The following VAV2 variants were observed in gnomAD, a reference collection of about 807,000 sequenced individuals.
VAV2 encodes guanine nucleotide exchange factor VAV2.
Under a neutral mutation model 132.5 loss-of-function variants are expected in VAV2, and 67 were observed. The observed-to-expected ratio is 0.51, with a 90% confidence interval of 0.42 to 0.62. VAV2 has a LOEUF of 0.62. Among genes scored for constraint, VAV2 ranks in the 20% least tolerant of loss-of-function variants. The pLI is 0.00. For missense variants in VAV2, 938 were observed against 1,153.6 expected (o/e 0.81, Z 2.71); for synonymous variants, 492 against 443.5 (o/e 1.11, Z -1.37).
intron 4 of VAV2, among the ~76,000 whole-genome samples, chr9:133,830,422 C>A (rs571679580): frequency 6.6e-6 from 1 of 152,136 alleles, no homozygotes; most frequent in Non-Finnish European, 1.5e-5. Flanking sequence ...CGGTGACCCT[C>A]GTATCGCTCA....
intron 25 of VAV2, among the ~76,000 whole-genome samples, chr9:133,773,973 T>C (rs1833724827): frequency 6.6e-6 from 1 of 152,144 alleles, no homozygotes; most frequent in Non-Finnish European, 1.5e-5. Context: ...ATGGGAACAT[T>C]TCAGCTCCAT....
intron 1 of VAV2, among the ~76,000 whole-genome samples, chr9:133,976,445 C>A (rs1274479523): frequency 6.6e-6 from 1 of 152,138 alleles, no homozygotes; most frequent in Non-Finnish European, 1.5e-5. Context: ...GACAGTGAGA[C>A]CCTAGATTGG....
rs1446237011 is a variant in VAV2, at chr9:133,883,581, C to T, written c.322-22149G>A. 6.6e-6 allele frequency among the ~76,000 whole-genome samples: 1 copy of T among 152,188 alleles called. No individual in the cohort carries two copies. The highest frequency in any genetic ancestry group is 1.5e-5 in the Non-Finnish European group (1 of 68,034). On this transcript the variant is annotated intron_variant, in intron 2 of 29. Coordinates refer to ENST00000371850, the MANE Select transcript of VAV2 (RefSeq NM_001134398.2). This position sits in a 1 kb window ranked among gnomAD's most constrained non-coding sequence, Gnocchi z 4.2. ...AGCCCAGCAGAGACTCCCAAGTCAT[C>T]CCCAGCCACGGCAGGCAGGCGGCCC... is the stretch of plus-strand genomic sequence containing the variant.
intron 1 of VAV2, among the ~76,000 whole-genome samples, chr9:133,957,317 G>T (rs1276499516): frequency 6.6e-6 from 1 of 152,100 alleles, no homozygotes; most frequent in Non-Finnish European, 1.5e-5. Context: ...CTGGATGAGG[G>T]CAGGGAAGTA....
At chr9:133,858,395 A>G (rs1275162038) in intron 3 of VAV2, among the ~76,000 whole-genome samples, 1 of 152,120 alleles carries the variant, frequency 6.6e-6, no homozygotes, top group Admixed American at 6.5e-5. Flanking sequence ...ACTGTCACAC[A>G]CCATTGCTGG....
chr9:133,868,277 A>G (rs73662313), intron 2 of VAV2, among the ~76,000 whole-genome samples: 3,491 of 152,318 alleles, frequency 0.023, 132 homozygotes, highest in African/African-American at 0.079. Context: ...CACAGCAGGC[A>G]CCGCATCCCC....
chr9:133,795,827 C>A (rs12553791), intron 11 of VAV2, 91 bp from the exon 12 acceptor site: 4 of 1,442,616 alleles, frequency 2.8e-6, no homozygotes, highest in Non-Finnish European at 3.8e-6. Flanking sequence ...GTGCACAGAA[C>A]CAAGTCCTCA....
chr9:133,907,697 G>A lies in VAV2; in HGVS notation c.321+31406C>T, dbSNP rs147977414. Among the ~76,000 whole-genome samples, 1,210 of 152,348 alleles carry A rather than the reference G, an allele frequency of 7.9e-3. 20 individuals carry two copies. The highest frequency in any genetic ancestry group is 0.027 in the African/African-American group (1,126 of 41,582). On this transcript the variant is annotated intron_variant, in intron 2 of 29. Coordinates refer to ENST00000371850, the MANE Select transcript of VAV2 (RefSeq NM_001134398.2). ...CCTCGTAAATCAATTCCCACTCTCC[G>A]CTCGGCTCGGGCCATGCCAGCCTTT...
chr9:133,829,304 G>A (rs1314391570), intron 4 of VAV2, among the ~76,000 whole-genome samples: 2 of 152,224 alleles, frequency 1.3e-5, no homozygotes, highest in South Asian at 2.1e-4. Flanking sequence ...ATTTGATTAT[G>A]CATTATTCAA....
At chr9:133,810,377 A>T (rs1481318015) in intron 5 of VAV2, among the ~76,000 whole-genome samples, 172 bp from the exon 6 acceptor site, 1 of 152,182 alleles carries the variant, frequency 6.6e-6, no homozygotes, top group African/African-American at 2.4e-5. Flanking sequence ...CTCATGGGCC[A>T]GAGCTCCCAT....
chr9:133,943,744 G>A lies in VAV2; in HGVS notation c.205-4525C>T, dbSNP rs76740589. 4.7e-3 allele frequency among the ~76,000 whole-genome samples: 709 copies of A among 152,288 alleles called. 2 individuals carry two copies. The highest frequency in any genetic ancestry group is 0.016 in the African/African-American group (677 of 41,572). Reference sequence around the variant, plus strand: ...GCCCCAGACTGCAGGGAGGGCTCCCGCCCCTGGGCCCCAAGAATCCCTTGT... The same window carrying A: ...GCCCCAGACTGCAGGGAGGGCTCCCACCCCTGGGCCCCAAGAATCCCTTGT... On this transcript the variant is annotated intron_variant, in intron 1 of 29. Coordinates refer to ENST00000371850, the MANE Select transcript of VAV2 (RefSeq NM_001134398.2).
chr9:133,830,561 T>A (rs977779775), intron 4 of VAV2, among the ~76,000 whole-genome samples: 3 of 152,238 alleles, frequency 2.0e-5, no homozygotes, highest in Non-Finnish European at 2.9e-5. Context: ...CCTTCCACCA[T>A]GACTATAAGT....
intron 23 of VAV2, 111 bp from the exon 24 acceptor site, chr9:133,776,191 G>T (rs2077065): frequency 7.5e-6 from 11 of 1,464,694 alleles, no homozygotes; most frequent in East Asian, 7.5e-5. Flanking sequence ...CTGCCCTGGA[G>T]GGGACTGTCT....
Position 133,763,820 on chromosome 9 carries a change from T to C in VAV2, c.*242A>G, listed in dbSNP as rs1833344751. The C allele has an allele frequency of 1.9e-6, 1 of 533,540 alleles. No individual in the cohort carries two copies. Among genetic ancestry groups the C allele is most frequent in the South Asian group, 2.1e-5 (1 of 47,118 alleles). 33.1% of individuals were successfully genotyped at this position (533,540 alleles called of 1,614,324 possible). Reference sequence around the variant, plus strand: ...TGTCGGTGCCCCCTCCTCTGCGCTCTGGGTGGGGCTAGCCCAGGTTTCCTC... The same window carrying C: ...TGTCGGTGCCCCCTCCTCTGCGCTCCGGGTGGGGCTAGCCCAGGTTTCCTC... On this transcript the variant is annotated 3_prime_UTR_variant, in exon 30 of 30. Coordinates refer to ENST00000371850, the MANE Select transcript of VAV2 (RefSeq NM_001134398.2). The surrounding 1 kb of genome is among the most constrained non-coding windows in gnomAD (Gnocchi z 6.8).
chr9:133,847,300 A>G (rs1836970635), intron 3 of VAV2, among the ~76,000 whole-genome samples: 1 of 152,224 alleles, frequency 6.6e-6, no homozygotes, highest in Admixed American at 6.5e-5. Context: ...TCCAAATAGC[A>G]GAAAACCCAG....
At chr9:133,862,520 T>C (rs945074073) in intron 2 of VAV2, among the ~76,000 whole-genome samples, 1 of 152,214 alleles carries the variant, frequency 6.6e-6, no homozygotes, top group African/African-American at 2.4e-5. Flanking sequence ...CGTGTGTGCA[T>C]GTTGCTTGTG....
At chr9:133,878,384 T>C (rs143266782) in intron 2 of VAV2, among the ~76,000 whole-genome samples, 202 of 152,314 alleles carry the variant, frequency 1.3e-3, no homozygotes, top group African/African-American at 4.7e-3. Flanking sequence ...GCACTAAGAT[T>C]GTTCAGAATC....
At position 133,918,468 on chromosome 9, in the gene VAV2, G is replaced by T. The variant is rs1202493811; in HGVS notation, c.321+20635C>A. Among the ~76,000 whole-genome samples, 1 of 151,992 alleles carries T rather than the reference G, an allele frequency of 6.6e-6. No individual in the cohort carries two copies. The highest frequency in any genetic ancestry group is 1.5e-5 in the Non-Finnish European group (1 of 67,984). ...TGGAAAGGCGGCAGACTCCTTCTCGGTGGCACCCATTGTAAGAGTCAGCCT... is the reference window on the plus strand; with the variant it reads ...TGGAAAGGCGGCAGACTCCTTCTCGTTGGCACCCATTGTAAGAGTCAGCCT... On this transcript the variant is annotated intron_variant, in intron 2 of 29. Coordinates refer to ENST00000371850, the MANE Select transcript of VAV2 (RefSeq NM_001134398.2). The surrounding 1 kb of genome is among the most constrained non-coding windows in gnomAD (Gnocchi z 4.7).
chr9:133,855,860 C>T (rs1330267868), intron 3 of VAV2, among the ~76,000 whole-genome samples: 2 of 152,180 alleles, frequency 1.3e-5, no homozygotes, highest in Non-Finnish European at 2.9e-5. Flanking sequence ...GCCTTGCAGC[C>T]GTCACAGCAA....
Sources: allele counts gnomAD v4.1 joint callset (sites outside exome capture counted in the v4.1 genomes callset), GRCh38; gene constraint gnomAD v4.1.1; non-coding constraint Gnocchi (gnomAD v3.1); transcripts MANE v1.5; gene names NCBI Gene and HGNC (gene_info 2026-07-23, HGNC 2026-07-21).